DSC3: variants seen among roughly 807,000 people sequenced by gnomAD.
DSC3 encodes desmocollin-3.
A neutral mutation model predicts 89.5 loss-of-function variants in DSC3; 97 were observed. That is an observed-to-expected ratio of 1.08 (90% confidence interval 0.92 to 1.28). The LOEUF (loss-of-function observed/expected upper bound fraction) is 1.28, where lower values mean the gene tolerates loss of function less well. DSC3 is among the 50% of genes most tolerant of loss of function. The pLI is 0.00. For missense variants in DSC3, 1,199 were observed against 1,085.3 expected (o/e 1.10, Z -1.47); for synonymous variants, 436 against 384.1 (o/e 1.14, Z -1.58).
At chr18:30,994,530 T>G (rs1212779823) in intron 15 of DSC3, 158 bp from the exon 16 acceptor site, 1 of 1,527,146 alleles carries the variant, frequency 6.5e-7, no homozygotes, top group Admixed American at 1.7e-5. Context: ...TTGGTCTATA[T>G]CACAACCATA....
Position 31,004,235 on chromosome 18 carries a change from G to A in DSC3, c.2020C>T (p.Pro674Ser), listed in dbSNP as rs1036255036. 4.3e-6 allele frequency: 7 copies of A among 1,613,868 alleles called. No individual in the cohort carries two copies. The highest frequency in any genetic ancestry group is 3.3e-5 in the Admixed American group (2 of 59,972). Residue 674 changes from proline (P) to serine (S), a missense_variant, in exon 13 of 16, where the codon CCA (proline) becomes TCA (serine). Transcript: ENST00000360428. ...CTTGAAGTCGCACGACACTGAGTTG[G>A]ATGAGTACATTCACACAGATTAACT... ...LRVNLCECTH[P>S]TQCRATSRST...
At chr18:31,000,822 T>A (rs1180916453) in intron 14 of DSC3, among the ~76,000 whole-genome samples, 1 of 151,888 alleles carries the variant, frequency 6.6e-6, no homozygotes, top group Admixed American at 6.6e-5. Context: ...ATGAGTACAT[T>A]TAGGTATCAT....
intron 15 of DSC3, 88 bp from the exon 16 acceptor site, chr18:30,994,460 T>C (rs1173123596): frequency 6.3e-7 from 1 of 1,597,764 alleles, no homozygotes; most frequent in Non-Finnish European, 8.5e-7. Flanking sequence ...TTACCTTTTA[T>C]GTTTAATTTT....
Position 31,008,376 on chromosome 18 carries a change from G to A in DSC3, c.1413C>T (p.Cys471=). ...TCCGCACATATTGGGCTGCAGGAGT[G>A]CATTCAGGCCCCTCATCCAGATCCC... The part of the protein sequence containing the change: ...HVRDLDEGPE[C]TPAAQYVRIK... The change falls in exon 10 of 16, where the codon TGC becomes TGT. Residue 471 remains cysteine (C), a synonymous_variant. Transcript: ENST00000360428. The A allele has an allele frequency of 6.2e-7, 1 of 1,614,080 alleles. No homozygotes were observed. The highest frequency in any genetic ancestry group is 8.5e-7 in the Non-Finnish European group (1 of 1,180,006).
chr18:31,024,600 T>C, intron 5 of DSC3, 107 bp from the exon 6 acceptor site: 1 of 1,238,238 alleles, frequency 8.1e-7, no homozygotes, highest in Non-Finnish European at 1.1e-6. Context: ...AATAAACTAC[T>C]TTGAAGTTTT....
Position 31,004,203 on chromosome 18 carries a change from T to A in DSC3, c.2052A>T (p.Thr684=), listed in dbSNP as rs887469081. ...TTGCCCATTTTCCAAGTATTACTCCTGTACTCCTTGAAGTCGCACGACACT... is the reference window on the plus strand; with the variant it reads ...TTGCCCATTTTCCAAGTATTACTCCAGTACTCCTTGAAGTCGCACGACACT... The part of the protein sequence containing the change: ...PTQCRATSRS[T]GVILGKWAIL... Residue 684 remains threonine (T), a synonymous_variant, in exon 13 of 16, where the codon ACA becomes ACT. Transcript: ENST00000360428. 6.2e-7 allele frequency: 1 copy of A among 1,614,044 alleles called. No individual in the cohort carries two copies. Among genetic ancestry groups the A allele is most frequent in the Non-Finnish European group, 8.5e-7 (1 of 1,179,914 alleles).
chr18:30,995,173 C>CA lies in DSC3; in HGVS notation c.2494-802dup, dbSNP rs202229374. 2.6e-5 allele frequency among the ~76,000 whole-genome samples: 4 copies of CA among 152,294 alleles called. No homozygotes were observed. The East Asian group carries it at 7.7e-4, about 29-fold the overall frequency. ...AACTGCCATGTCTCCTCCCTTTCCT[C>CA]ACCTGTGTGCCCACTCCTTGCCTAT... On this transcript the variant is annotated intron_variant, in intron 15 of 15. Transcript: ENST00000360428.
chr18:31,042,344 C>T (rs757118016), intron 1 of DSC3, among the ~76,000 whole-genome samples: 21 of 152,320 alleles, frequency 1.4e-4, no homozygotes, highest in African/African-American at 5.1e-4. Context: ...AGCCTGAGCG[C>T]GACTCAGAAT....
At chr18:31,021,840 A>G (rs772565659) in intron 7 of DSC3, among the ~76,000 whole-genome samples, 5 of 152,184 alleles carry the variant, frequency 3.3e-5, no homozygotes, top group Non-Finnish European at 5.9e-5. Flanking sequence ...AAGAAGTTCA[A>G]TATAAAGCAC....
chr18:31,018,959 A>G (rs967934867), intron 7 of DSC3, among the ~76,000 whole-genome samples, 159 bp from the exon 8 acceptor site: 5 of 152,250 alleles, frequency 3.3e-5, no homozygotes, highest in African/African-American at 1.2e-4. Flanking sequence ...GGAATTTGGT[A>G]GACAAGGATA....
In DSC3 at chr18:31,004,382, A is replaced by G; in HGVS notation, c.1889-16T>C. ...GCAGCTGTATCTGAAAGAAAATAAA[A>G]GAAGTTTATTTTTTAATGATCATTT... On this transcript the variant is annotated splice_polypyrimidine_tract_variant and intron_variant, in intron 12 of 15. Transcript: ENST00000360428. 6.2e-7 allele frequency: 1 copy of G among 1,600,602 alleles called. No individual in the cohort carries two copies. Among genetic ancestry groups the G allele is most frequent in the South Asian group, 1.1e-5 (1 of 90,738 alleles).
intron 14 of DSC3, among the ~76,000 whole-genome samples, chr18:31,001,008 T>C (rs989937103): frequency 6.7e-6 from 1 of 150,358 alleles, no homozygotes; most frequent in African/African-American, 2.4e-5. Flanking sequence ...CATATATATA[T>C]ACTTTGTGTG....
chr18:31,017,952 T>C (rs543433644), intron 9 of DSC3, 119 bp downstream of exon 9: 5 of 814,078 alleles, frequency 6.1e-6, no homozygotes, highest in Non-Finnish European at 9.6e-6. Context: ...GTGGTTTAAA[T>C]AGATTTTAAA....
Position 31,008,107 on chromosome 18 carries a change from T to C in DSC3, c.1572A>G (p.Ser524=), listed in dbSNP as rs1192963116. The change falls in exon 11 of 16, where the codon TCA becomes TCG. Residue 524 remains serine (S), a synonymous_variant. Coordinates refer to ENST00000360428, the MANE Select transcript of DSC3 (RefSeq NM_001941.5). ...PKGWITIDEI[S]GSIITSKILD... ...GGATTTTGGAAGTTATGATTGACCCTGAAATTTCATCAATGGTGATCCAAC... is the reference window on the plus strand; with the variant it reads ...GGATTTTGGAAGTTATGATTGACCCCGAAATTTCATCAATGGTGATCCAAC... 6.2e-7 allele frequency: 1 copy of C among 1,612,830 alleles called. No individual in the cohort carries two copies. Among genetic ancestry groups the C allele is most frequent in the Admixed American group, 1.7e-5 (1 of 59,896 alleles).
At chr18:31,020,947 A>G (rs1454236366) in intron 7 of DSC3, among the ~76,000 whole-genome samples, 1 of 152,220 alleles carries the variant, frequency 6.6e-6, no homozygotes, top group East Asian at 1.9e-4. Context: ...CTCTCAAAAA[A>G]AGAAAAAAAT....
intron 5 of DSC3, 146 bp downstream of exon 5, chr18:31,025,614 C>T (rs1985570282): frequency 6.9e-6 from 6 of 874,938 alleles, no homozygotes; most frequent in Non-Finnish European, 1.1e-5. Context: ...CCAAGTATTC[C>T]AAAATGTTGC....
At position 31,008,004 on chromosome 18, in the gene DSC3, C is replaced by CT. The variant is rs760370895; in HGVS notation, c.1663+11dup. 7.3e-5 allele frequency: 117 copies of CT among 1,597,916 alleles called. No homozygotes were observed. Among genetic ancestry groups the CT allele is most frequent in the Middle Eastern group, 1.7e-4 (1 of 5,902 alleles). ...TCCTTTATAGAATACCAGATTAAAA[C>CT]TTTTTTTTTACCTTTGTCTATTGCC... On this transcript the variant is annotated intron_variant, in intron 11 of 15. Coordinates refer to ENST00000360428, the MANE Select transcript of DSC3 (RefSeq NM_001941.5).
Position 31,008,003 on chromosome 18 carries a change from A to C in DSC3, c.1663+13T>G, listed in dbSNP as rs1211183503. On this transcript the variant is annotated intron_variant, in intron 11 of 15. Coordinates refer to ENST00000360428, the MANE Select transcript of DSC3 (RefSeq NM_001941.5). ...TTCCTTTATAGAATACCAGATTAAA[A>C]CTTTTTTTTTACCTTTGTCTATTGC... 1.6e-5 allele frequency: 25 copies of C among 1,606,194 alleles called. No homozygotes were observed. Among genetic ancestry groups the C allele is most frequent in the Non-Finnish European group, 2.1e-5 (25 of 1,173,820 alleles).
At chr18:31,042,477 T>G in intron 1 of DSC3, 115 bp downstream of exon 1, 1 of 1,081,440 alleles carries the variant, frequency 9.2e-7, no homozygotes. Flanking sequence ...CCCGCAGCAT[T>G]GATCTGAGCC....
Sources: allele counts gnomAD v4.1 joint callset (sites outside exome capture counted in the v4.1 genomes callset), GRCh38; gene constraint gnomAD v4.1.1; transcripts MANE v1.5; gene names NCBI Gene and HGNC (gene_info 2026-07-23, HGNC 2026-07-21).